Variants in C17orf78 observed in about 807,000 individuals in gnomAD.
C17orf78 encodes the protein chromosome 17 open reading frame 78.
C17orf78 carries 27 observed loss-of-function variants against 31.8 expected under a neutral mutation model. The ratio of observed to expected loss-of-function variants is 0.85; its 90% CI spans 0.63 to 1.17. The LOEUF (loss-of-function observed/expected upper bound fraction) is 1.17. Among genes scored for constraint, C17orf78 ranks in the 50% most tolerant of loss-of-function variants. C17orf78 has a pLI of 0.00. For missense variants in C17orf78, 258 were observed against 315.2 expected, an observed-to-expected ratio of 0.82 and a Z score of 1.37; for synonymous variants, 106 against 115.1, an observed-to-expected ratio of 0.92 and a Z score of 0.51.
chr17:37,380,353 C>A (rs897457344), intron 3 of C17orf78, among the ~76,000 whole-genome samples: 13 of 150,910 alleles, frequency 8.6e-5, no homozygotes, highest in African/African-American at 3.2e-4. Flanking sequence ...TGCAGCGCAC[C>A]AGCATGGCAC....
In C17orf78 at chr17:37,379,201, C is replaced by A; in HGVS notation, c.210C>A (p.Cys70Ter). The change falls in exon 3 of 7, where the codon TGC (cysteine) becomes TGA (stop). Residue 70 changes from cysteine (C) to a stop codon, truncating the protein, a stop_gained. Coordinates refer to ENST00000615133, the MANE Select transcript of C17orf78 (RefSeq NM_173625.5). LOFTEE classifies it high-confidence loss of function. ...ACCGGACTATAGCTACCCTGCAGTGCCTTGGCTCTGACAGCAAAGTAAAAG... is the reference window on the plus strand; with the variant it reads ...ACCGGACTATAGCTACCCTGCAGTGACTTGGCTCTGACAGCAAAGTAAAAG... ...IQNRTIATLQ[C>*]LGSDSKVKVN... 6.2e-7 allele frequency: 1 copy of A among 1,614,018 alleles called. No individual in the cohort carries two copies. The highest frequency in any genetic ancestry group is 8.5e-7 in the Non-Finnish European group (1 of 1,179,888).
intron 3 of C17orf78, among the ~76,000 whole-genome samples, chr17:37,382,816 C>T (rs1385880126): frequency 2.0e-5 from 3 of 152,088 alleles, no homozygotes; most frequent in African/African-American, 7.2e-5. Flanking sequence ...GCTGAGATCA[C>T]GCCACTGCAC....
chr17:37,382,368 T>C (rs2050334438), intron 3 of C17orf78, among the ~76,000 whole-genome samples: 2 of 151,804 alleles, frequency 1.3e-5, no homozygotes. Context: ...TTTTTTTTTT[T>C]CTTTAGTGTA....
intron 3 of C17orf78, among the ~76,000 whole-genome samples, chr17:37,384,239 G>T (rs1365679271): frequency 6.6e-6 from 1 of 152,208 alleles, no homozygotes; most frequent in Non-Finnish European, 1.5e-5. Context: ...GAACTGTAAG[G>T]GTGAGAATGT....
chr17:37,391,797 C>T lies in C17orf78; in HGVS notation c.*73C>T. 1 of 1,287,332 alleles carries T rather than the reference C, an allele frequency of 7.8e-7. No individual in the cohort carries two copies. Among genetic ancestry groups the T allele is most frequent in the Admixed American group, 1.7e-5 (1 of 57,464 alleles). 79.7% of individuals were successfully genotyped at this position (1,287,332 alleles called of 1,614,324 possible). A position where few individuals can be genotyped will look rare whatever the true frequency, so the allele number is the denominator to read the frequency against. On this transcript the variant is annotated 3_prime_UTR_variant, in exon 7 of 7. Transcript: ENST00000615133. Reference sequence around the variant, plus strand: ...CCCTATTAATATGGGCACATTCTTGCCAATTTCACACTTGTATCTTCAGCA... The same window carrying T: ...CCCTATTAATATGGGCACATTCTTGTCAATTTCACACTTGTATCTTCAGCA...
intron 3 of C17orf78, 24 bp from the exon 4 acceptor site, chr17:37,385,985 C>T: frequency 6.8e-7 from 1 of 1,464,902 alleles, no homozygotes; most frequent in Non-Finnish European, 9.4e-7. Flanking sequence ...CCTAAAGTTT[C>T]ATCTTTTCTA....
Position 37,390,173 on chromosome 17 carries a change from T to TAC in C17orf78, c.750+812_750+813insCA, listed in dbSNP as rs1345364710. On this transcript the variant is annotated intron_variant, in intron 6 of 6. Coordinates refer to ENST00000615133, the MANE Select transcript of C17orf78 (RefSeq NM_173625.5). The stretch of plus-strand genomic sequence containing the variant: ...ATATATATATATATATATATATATA[T>TAC]ATACACACACACATTATATATAAAT... 4.3e-3 allele frequency among the ~76,000 whole-genome samples: 193 copies of TAC among 44,986 alleles called. 8 individuals are homozygous for TAC. The highest frequency in any genetic ancestry group is 5.4e-3 in the Non-Finnish European group (145 of 26,962). The allele number at this position is 44,986 out of a possible 152,430, so 29.5% of individuals were successfully genotyped here.
Position 37,391,473 on chromosome 17 carries a change from C to T in C17orf78, c.751-174C>T, listed in dbSNP as rs1245871511. 2.0e-5 allele frequency among the ~76,000 whole-genome samples: 3 copies of T among 152,216 alleles called. No individual in the cohort carries two copies. In the East Asian group the frequency reaches 5.8e-4, roughly 29 times the overall value. ...TTCCAAGCAATTATTGGTTCTCATA[C>T]CTATGTGCACCTTGATCATACTTTC... On this transcript the variant is annotated intron_variant, in intron 6 of 6. Transcript: ENST00000615133.
chr17:37,381,169 T>C (rs1246240632), intron 3 of C17orf78, among the ~76,000 whole-genome samples: 1 of 151,986 alleles, frequency 6.6e-6, no homozygotes, highest in East Asian at 1.9e-4. Context: ...TTTGTTGTTA[T>C]TGTTATTTTG....
At chr17:37,390,335 A>ATATATATATATATCTATAT (rs2050824306) in intron 6 of C17orf78, among the ~76,000 whole-genome samples, 1 of 30,248 alleles carries the variant, frequency 3.3e-5, no homozygotes, top group African/African-American at 1.7e-4. Context: ...TATATATATA[A>ATATATATATATATCTATAT]AAGGCCAGCT....
chr17:37,390,304 T>TA (rs2050786450), intron 6 of C17orf78, among the ~76,000 whole-genome samples: 2 of 17,970 alleles, frequency 1.1e-4, no homozygotes, highest in African/African-American at 3.8e-4. Flanking sequence ...TTATACATAA[T>TA]TATATATATA....
chr17:37,390,330 A>ACATATATATATATATATC (rs1244676462), intron 6 of C17orf78, among the ~76,000 whole-genome samples: 3 of 41,592 alleles, frequency 7.2e-5, no homozygotes, highest in Non-Finnish European at 1.1e-4. Flanking sequence ...ATATATATAT[A>ACATATATATATATATATC]TATAAAAGGC....
At position 37,390,242 on chromosome 17, in the gene C17orf78, TTA is replaced by T. The variant is rs1275489019; in HGVS notation, c.750+890_750+891del. Reference sequence around the variant, plus strand: ...ATTATATATAATTATATATAATATATTATATATATATTATATATAATTATATA... The same window carrying T: ...ATTATATATAATTATATATAATATATTATATATATTATATATAATTATATA... On this transcript the variant is annotated intron_variant, in intron 6 of 6. Coordinates refer to ENST00000615133, the MANE Select transcript of C17orf78 (RefSeq NM_173625.5). Among the ~76,000 whole-genome samples, 371 of 48,604 alleles carry T rather than the reference TTA, an allele frequency of 7.6e-3. 9 individuals are homozygous for T. The highest frequency in any genetic ancestry group is 0.033 in the African/African-American group (249 of 7,436). The allele number at this position is 48,604 out of a possible 152,430, so 31.9% of individuals were successfully genotyped here. A position where few individuals can be genotyped will look rare whatever the true frequency, so the allele number is the denominator to read the frequency against.
chr17:37,379,451 T>C, intron 3 of C17orf78, 69 bp downstream of exon 3: 1 of 1,502,752 alleles, frequency 6.7e-7, no homozygotes, highest in Non-Finnish European at 9.0e-7. Context: ...CAGCCAGAAC[T>C]CCGTAGCAGG....
chr17:37,385,781 A>G (rs2050499141), intron 3 of C17orf78, among the ~76,000 whole-genome samples: 1 of 152,088 alleles, frequency 6.6e-6, no homozygotes, highest in Non-Finnish European at 1.5e-5. Flanking sequence ...CTTTGATCCT[A>G]TGTTAGTTAA....
intron 6 of C17orf78, among the ~76,000 whole-genome samples, chr17:37,390,175 T>TATACACAC (rs60788220): frequency 4.2e-3 from 188 of 44,486 alleles, no homozygotes; most frequent in Admixed American, 5.6e-3. Context: ...TATATATATA[T>TATACACAC]ACACACACAC....
At chr17:37,385,965 A>G (rs958889903) in intron 3 of C17orf78, 44 bp from the exon 4 acceptor site, 5 of 1,327,094 alleles carry the variant, frequency 3.8e-6, no homozygotes, top group Admixed American at 2.2e-5. Context: ...AAGGCAGGAT[A>G]AAGTTTTCCC....
intron 6 of C17orf78, among the ~76,000 whole-genome samples, chr17:37,391,200 T>A (rs1478413445): frequency 6.6e-6 from 1 of 152,148 alleles, no homozygotes; most frequent in Non-Finnish European, 1.5e-5. Context: ...ATCACACCAC[T>A]GCACTGCAGC....
At chr17:37,381,116 C>T (rs1227154626) in intron 3 of C17orf78, among the ~76,000 whole-genome samples, 3 of 151,954 alleles carry the variant, frequency 2.0e-5, no homozygotes, top group Non-Finnish European at 2.9e-5. Flanking sequence ...TGGTAACATA[C>T]CATATACACT....
Sources: allele counts gnomAD v4.1 joint callset (sites outside exome capture counted in the v4.1 genomes callset), GRCh38; gene constraint gnomAD v4.1.1; transcripts MANE v1.5; gene names NCBI Gene and HGNC (gene_info 2026-07-23, HGNC 2026-07-21).